The following SLCO1C1 variants were observed in gnomAD, a reference collection of about 807,000 sequenced individuals.
The protein encoded by SLCO1C1 is OAT-RP-5.
A neutral mutation model predicts 76.4 loss-of-function variants in SLCO1C1; 70 were observed. The observed-to-expected ratio is 0.92, with a 90% confidence interval of 0.76 to 1.12. SLCO1C1 has a LOEUF of 1.12. SLCO1C1 is among the 50% of genes most tolerant of loss of function. SLCO1C1 has a pLI of 0.00. For synonymous variants in SLCO1C1, 306 were observed against 286.1 expected (o/e 1.07, Z -0.70); for missense variants, 912 against 823.8 (o/e 1.11, Z -1.31).
Position 20,743,337 on chromosome 12 carries a change from T to G in SLCO1C1, c.1766T>G (p.Leu589Trp). 6 of 1,612,938 alleles carry G rather than the reference T, an allele frequency of 3.7e-6. No homozygotes were observed. The highest frequency in any genetic ancestry group is 5.1e-6 in the Non-Finnish European group (6 of 1,179,402). ...AAGCCACAGCTTAAGTCTTTTGCCT[T>G]GGGTATCTACACATTAGCAATAAGA... ...CIKPQLKSFA[L>W]GIYTLAIRVL... Residue 589 changes from leucine (L) to tryptophan (W), a missense_variant, in exon 13 of 15, where the codon TTG becomes TGG. Coordinates refer to ENST00000266509, the MANE Select transcript of SLCO1C1 (RefSeq NM_017435.5).
At chr12:20,712,264 T>C (rs1053042665) in intron 5 of SLCO1C1, among the ~76,000 whole-genome samples, 3 of 152,198 alleles carry the variant, frequency 2.0e-5, no homozygotes, top group Non-Finnish European at 4.4e-5. Flanking sequence ...ACAGCAATGC[T>C]TTGTCTGAGA....
chr12:20,751,448 T>C (rs573534793), intron 14 of SLCO1C1, among the ~76,000 whole-genome samples: 1 of 152,216 alleles, frequency 6.6e-6, no homozygotes, highest in East Asian at 1.9e-4. Flanking sequence ...AAAGATTGTT[T>C]AAAAGACTTA....
intron 14 of SLCO1C1, among the ~76,000 whole-genome samples, chr12:20,752,104 A>G (rs1202346662): frequency 6.6e-6 from 1 of 152,218 alleles, no homozygotes; most frequent in Non-Finnish European, 1.5e-5. Context: ...AGTAGTAACT[A>G]AAAATGATGG....
chr12:20,710,769 A>T (rs1019119454), intron 4 of SLCO1C1, among the ~76,000 whole-genome samples: 9 of 152,178 alleles, frequency 5.9e-5, no homozygotes, highest in Non-Finnish European at 1.2e-4. Flanking sequence ...TTACAACTCT[A>T]AATAAAGTAT....
At chr12:20,734,627 G>A (rs1466334348) in intron 10 of SLCO1C1, among the ~76,000 whole-genome samples, 2 of 152,174 alleles carry the variant, frequency 1.3e-5, no homozygotes, top group Non-Finnish European at 2.9e-5. Flanking sequence ...GTGACTCAAA[G>A]TAGAACATTC....
At chr12:20,699,415 T>G in intron 1 of SLCO1C1, 137 bp from the exon 2 acceptor site, 1 of 672,402 alleles carries the variant, frequency 1.5e-6, no homozygotes, top group Non-Finnish European at 2.3e-6. Context: ...TTGAAAACAT[T>G]TGCCAACTTA....
intron 13 of SLCO1C1, among the ~76,000 whole-genome samples, chr12:20,747,999 G>T (rs1949126449): frequency 6.6e-6 from 1 of 151,998 alleles, no homozygotes; most frequent in African/African-American, 2.4e-5. Flanking sequence ...AACATGTTTG[G>T]TGTGCTCTTC....
intron 12 of SLCO1C1, 95 bp from the exon 13 acceptor site, chr12:20,743,210 C>G: frequency 8.4e-7 from 1 of 1,187,544 alleles, no homozygotes; most frequent in Non-Finnish European, 1.2e-6. Context: ...TGAATTCTAA[C>G]ATGATTTCAT....
chr12:20,698,698 T>C (rs1946379742), intron 1 of SLCO1C1, among the ~76,000 whole-genome samples: 1 of 152,102 alleles, frequency 6.6e-6, no homozygotes, highest in Non-Finnish European at 1.5e-5. Flanking sequence ...TCTATTAATG[T>C]ACAATTGGGT....
intron 9 of SLCO1C1, among the ~76,000 whole-genome samples, chr12:20,732,070 T>A (rs1230041499): frequency 6.6e-6 from 1 of 152,202 alleles, no homozygotes; most frequent in Non-Finnish European, 1.5e-5. Context: ...TCTAAGCTCT[T>A]AACTACTAAA....
chr12:20,740,409 A>G (rs1565541151), intron 12 of SLCO1C1, 41 bp downstream of exon 12: 1 of 1,543,062 alleles, frequency 6.5e-7, no homozygotes, highest in Non-Finnish European at 8.8e-7. Context: ...AACACAAGAC[A>G]CAATCATCTC....
At chr12:20,717,877 A>AT (rs956571365) in intron 7 of SLCO1C1, among the ~76,000 whole-genome samples, 1 of 151,582 alleles carries the variant, frequency 6.6e-6, no homozygotes, top group African/African-American at 2.4e-5. Context: ...ATTTGTCAGT[A>AT]TTTTTTTAAA....
intron 3 of SLCO1C1, 116 bp downstream of exon 3, chr12:20,701,575 T>TAA: frequency 1.1e-6 from 1 of 896,762 alleles, no homozygotes. Flanking sequence ...ATAAAATCTT[T>TAA]TTTTTTTTTT....
chr12:20,750,906 G>C, intron 14 of SLCO1C1, 114 bp downstream of exon 14: 1 of 1,597,398 alleles, frequency 6.3e-7, no homozygotes, highest in Non-Finnish European at 8.6e-7. Flanking sequence ...GTAAAGAATA[G>C]TCTAATCAAA....
At position 20,752,549 on chromosome 12, in the gene SLCO1C1, A is replaced by G. The variant is rs767908044; in HGVS notation, c.*21A>G. 6.5e-7 allele frequency: 1 copy of G among 1,538,430 alleles called. No individual in the cohort carries two copies. The highest frequency in any genetic ancestry group is 1.2e-5 in the South Asian group (1 of 81,644). On this transcript the variant is annotated 3_prime_UTR_variant, in exon 15 of 15. Coordinates refer to ENST00000266509, the MANE Select transcript of SLCO1C1 (RefSeq NM_017435.5). Reference sequence around the variant, plus strand: ...TTTAGAAACATGATGACTGGAAGTCATGTCTTCTAATTGGTTGACATTTTG... The same window carrying G: ...TTTAGAAACATGATGACTGGAAGTCGTGTCTTCTAATTGGTTGACATTTTG...
intron 2 of SLCO1C1, 54 bp downstream of exon 2, chr12:20,699,759 A>G (rs1417269647): frequency 1.3e-6 from 2 of 1,525,768 alleles, no homozygotes; most frequent in South Asian, 1.3e-5. Flanking sequence ...CTGTCCAGAT[A>G]TCATCTATAT....
intron 7 of SLCO1C1, among the ~76,000 whole-genome samples, chr12:20,719,348 A>G (rs1170465065): frequency 6.6e-6 from 1 of 152,128 alleles, no homozygotes; most frequent in Non-Finnish European, 1.5e-5. Flanking sequence ...CCAATTAGTA[A>G]CCCTACAATG....
intron 14 of SLCO1C1, 32 bp from the exon 15 acceptor site, chr12:20,752,273 AT>A (rs1949346010): frequency 1.4e-6 from 2 of 1,390,824 alleles, no homozygotes; most frequent in Admixed American, 4.6e-5. Context: ...TGGTTGTTGC[AT>A]TAATTATAAC....
intron 9 of SLCO1C1, among the ~76,000 whole-genome samples, chr12:20,725,525 C>T (rs1451173229): frequency 6.8e-6 from 1 of 147,478 alleles, no homozygotes; most frequent in Admixed American, 6.8e-5. Context: ...CAACATTCCA[C>T]ATGTACATTG....
Sources: allele counts gnomAD v4.1 joint callset (sites outside exome capture counted in the v4.1 genomes callset), GRCh38; gene constraint gnomAD v4.1.1; transcripts MANE v1.5; gene names NCBI Gene and HGNC (gene_info 2026-07-23, HGNC 2026-07-21).